The following SETD5 variants were observed in gnomAD, a reference collection of about 807,000 sequenced individuals.
The protein encoded by SETD5 is SET domain containing 5.
SETD5 carries 44 observed loss-of-function variants against 153.3 expected under a neutral mutation model. That is an observed-to-expected ratio of 0.29 (90% CI 0.23 to 0.37). SETD5 has a LOEUF of 0.37. SETD5 is among the 10% of genes least tolerant of loss of function. The pLI is 1.00. For synonymous variants in SETD5, 716 were observed against 645.2 expected (o/e 1.11, Z -1.66); for missense variants, 1,544 against 1,768.0 (o/e 0.87, Z 2.27).
In SETD5 at chr3:9,448,633, A is replaced by G. The variant is rs2042277820; in HGVS notation, c.2346+3A>G. 6.4e-7 allele frequency: 1 copy of G among 1,564,846 alleles called. No homozygotes were observed. The highest frequency in any genetic ancestry group is 8.7e-7 in the Non-Finnish European group (1 of 1,154,340). On this transcript the variant is annotated splice_donor_region_variant and intron_variant, in intron 16 of 22. Transcript: ENST00000402198. The stretch of plus-strand genomic sequence containing the variant: ...GCACATTCAGCTCCTGTAAGAAGGT[A>G]TGTCTGTGTTTTTGTGTGTGTGTTG...
Position 9,425,055 on chromosome 3 carries a change from C to CTTTTTTTTTT in SETD5, c.-117+543_-117+552dup, listed in dbSNP as rs778883904. 5.1e-4 allele frequency among the ~76,000 whole-genome samples: 43 copies of CTTTTTTTTTT among 83,680 alleles called. 4 individuals carry two copies. Among genetic ancestry groups the CTTTTTTTTTT allele is most frequent in the African/African-American group, 8.3e-4 (17 of 20,420 alleles). 54.9% of individuals were successfully genotyped at this position (83,680 alleles called of 152,430 possible). On this transcript the variant is annotated intron_variant, in intron 2 of 22. Coordinates refer to ENST00000402198, the MANE Select transcript of SETD5 (RefSeq NM_001080517.3). ...AAATTTATAGTTACCGACAATGTTT[C>CTTTTTTTTTT]TTTTTTTTTTTTTTTTTTTTTTTGA...
chr3:9,444,247 A>G (rs2041665123), intron 11 of SETD5, among the ~76,000 whole-genome samples: 1 of 152,196 alleles, frequency 6.6e-6, no homozygotes, highest in African/African-American at 2.4e-5. Context: ...TTTTTAAAGT[A>G]TATGCTTTTT....
chr3:9,429,535 C>G (rs1184038044), intron 3 of SETD5, among the ~76,000 whole-genome samples: 1 of 152,022 alleles, frequency 6.6e-6, no homozygotes, highest in Admixed American at 6.6e-5. Context: ...GAAAGAGGAC[C>G]TTCAAAATCA....
intron 3 of SETD5, among the ~76,000 whole-genome samples, chr3:9,429,493 G>A (rs543856834): frequency 3.3e-5 from 5 of 152,244 alleles, no homozygotes; most frequent in East Asian, 1.9e-4. Context: ...GGAGAACAGC[G>A]TCATCTGTTT....
intron 14 of SETD5, 48 bp downstream of exon 14, chr3:9,447,355 AT>A: frequency 6.4e-7 from 1 of 1,563,954 alleles, no homozygotes; most frequent in South Asian, 1.2e-5. Flanking sequence ...ACCTTTGCTA[AT>A]GTCAATACCT....
intron 18 of SETD5, 101 bp from the exon 19 acceptor site, chr3:9,470,358 T>C: frequency 3.5e-6 from 3 of 862,474 alleles, no homozygotes; most frequent in Non-Finnish European, 5.6e-6. Context: ...CCGTCCCTCT[T>C]ATCTTTCCCT....
chr3:9,471,177 G>T (rs2045260222), intron 19 of SETD5, among the ~76,000 whole-genome samples: 1 of 152,168 alleles, frequency 6.6e-6, no homozygotes, highest in Non-Finnish European at 1.5e-5. Context: ...CAGTGAAAAA[G>T]AAATTTTACC....
At chr3:9,440,224 A>G (rs1372508853) in intron 7 of SETD5, among the ~76,000 whole-genome samples, 1 of 152,184 alleles carries the variant, frequency 6.6e-6, no homozygotes, top group Non-Finnish European at 1.5e-5. Context: ...TTACTTTATA[A>G]ATGGAGAAAC....
At chr3:9,461,291 G>C (rs1353353135) in intron 17 of SETD5, among the ~76,000 whole-genome samples, 2 of 152,092 alleles carry the variant, frequency 1.3e-5, no homozygotes, top group Non-Finnish European at 2.9e-5. Context: ...CTAATGTTGT[G>C]CAGTCATTAA....
At chr3:9,426,628 A>G (rs1463896597) in intron 2 of SETD5, among the ~76,000 whole-genome samples, 1 of 152,064 alleles carries the variant, frequency 6.6e-6, no homozygotes, top group Non-Finnish European at 1.5e-5. Flanking sequence ...CCTGACCTCA[A>G]GTGATCCACC....
intron 19 of SETD5, among the ~76,000 whole-genome samples, chr3:9,472,832 C>T (rs2045462755): frequency 6.6e-6 from 1 of 152,084 alleles, no homozygotes; most frequent in South Asian, 2.1e-4. Context: ...ACCTGGGAGG[C>T]TTTTTAAACT....
chr3:9,433,268 T>G (rs1004437227), intron 3 of SETD5: 25 of 738,166 alleles, frequency 3.4e-5, no homozygotes, highest in Non-Finnish European at 4.7e-5. Context: ...CATTGGTGGA[T>G]GAGAAATTAT....
intron 18 of SETD5, chr3:9,468,575 G>A: frequency 7.7e-7 from 1 of 1,304,298 alleles, no homozygotes; most frequent in Non-Finnish European, 1.0e-6. Context: ...TGTCACCCGA[G>A]GTAGTTATCA....
intron 11 of SETD5, 102 bp from the exon 12 acceptor site, chr3:9,444,946 T>C (rs1459415940): frequency 7.0e-7 from 1 of 1,421,774 alleles, no homozygotes; most frequent in South Asian, 1.4e-5. Flanking sequence ...AGAGACAATA[T>C]CAGAGGAAGT....
intron 18 of SETD5, among the ~76,000 whole-genome samples, chr3:9,465,861 T>C (rs971142498): frequency 2.0e-5 from 3 of 152,182 alleles, no homozygotes; most frequent in Non-Finnish European, 4.4e-5. Flanking sequence ...CTACTTGCAA[T>C]TGACTTTGCA....
Position 9,445,702 on chromosome 3 carries a change from GTTA to G in SETD5, c.1488_1490del (p.Ile497del), listed in dbSNP as rs1158906998. Reference sequence around the variant, plus strand: ...AAAACCAGAAGAAGAGAAAGAAGAGGTTATAGATGACCAGGAGAACCTAGCTCA... The same window carrying G: ...AAAACCAGAAGAAGAGAAAGAAGAGGTAGATGACCAGGAGAACCTAGCTCA... On this transcript the variant is annotated inframe_deletion, in exon 13 of 23. Transcript: ENST00000402198. 11 of 1,613,522 alleles carry G rather than the reference GTTA, an allele frequency of 6.8e-6. No individual in the cohort carries two copies. The highest frequency in any genetic ancestry group is 9.3e-6 in the Non-Finnish European group (11 of 1,179,742).
intron 1 of SETD5, among the ~76,000 whole-genome samples, chr3:9,408,679 G>A (rs1257628442): frequency 6.6e-6 from 1 of 152,074 alleles, no homozygotes; most frequent in Non-Finnish European, 1.5e-5. Flanking sequence ...TTTTATAATA[G>A]TACTGTGTAT....
At chr3:9,466,294 A>G (rs2044568716) in intron 18 of SETD5, among the ~76,000 whole-genome samples, 1 of 151,316 alleles carries the variant, frequency 6.6e-6, no homozygotes, top group African/African-American at 2.4e-5. Flanking sequence ...TCTCAAAAAA[A>G]AAAAAAAAAA....
chr3:9,434,514 T>G lies in SETD5; in HGVS notation c.329+29T>G. The G allele has an allele frequency of 6.2e-7, 1 of 1,613,462 alleles. No individual in the cohort carries two copies. The highest frequency in any genetic ancestry group is 8.5e-7 in the Non-Finnish European group (1 of 1,179,586). ...AGATCCTGTTCCATCTAAATTTAAG[T>G]CTGGGTTGCTGGGATTAGGGTTTCT... On this transcript the variant is annotated intron_variant, in intron 5 of 22. Transcript: ENST00000402198. This position sits in a 1 kb window ranked among gnomAD's most constrained non-coding sequence, Gnocchi z 5.6.
Sources: allele counts gnomAD v4.1 joint callset (sites outside exome capture counted in the v4.1 genomes callset), GRCh38; gene constraint gnomAD v4.1.1; non-coding constraint Gnocchi (gnomAD v3.1); transcripts MANE v1.5; gene names NCBI Gene and HGNC (gene_info 2026-07-23, HGNC 2026-07-21).